The following CTNNA3 variants were observed in gnomAD, a reference collection of about 807,000 sequenced individuals.
CTNNA3 encodes the protein catenin alpha-3.
In CTNNA3, 76 loss-of-function variants were observed where a neutral mutation model predicts 95.7. The observed-to-expected ratio is 0.79, with a 90% CI of 0.66 to 0.96. The LOEUF is 0.96. CTNNA3 is among the 40% of genes least tolerant of loss of function. CTNNA3 has a pLI of 0.00. For missense variants in CTNNA3, 1,191 were observed against 1,089.8 expected (o/e 1.09, Z -1.31); for synonymous variants, 431 against 374.4 (o/e 1.15, Z -1.74).
At chr10:67,556,468 C>G (rs1425399497) in intron 3 of CTNNA3, among the ~76,000 whole-genome samples, 1 of 152,082 alleles carries the variant, frequency 6.6e-6, no homozygotes, top group Non-Finnish European at 1.5e-5. Flanking sequence ...CAACTTCCTC[C>G]TGGTTTAGTC....
chr10:66,447,000 CA>C (rs1280400264), intron 11 of CTNNA3, among the ~76,000 whole-genome samples: 1 of 151,578 alleles, frequency 6.6e-6, no homozygotes, highest in African/African-American at 2.4e-5. Flanking sequence ...AATCAATGTG[CA>C]AAAATCACAA....
intron 6 of CTNNA3, among the ~76,000 whole-genome samples, chr10:67,208,901 T>C (rs1864019789): frequency 6.6e-6 from 1 of 152,134 alleles, no homozygotes; most frequent in Admixed American, 6.5e-5. Context: ...AGAATATCAA[T>C]ATTAATACCA....
chr10:66,847,795 A>T (rs1843334898), intron 7 of CTNNA3, among the ~76,000 whole-genome samples: 1 of 152,218 alleles, frequency 6.6e-6, no homozygotes, highest in African/African-American at 2.4e-5. Flanking sequence ...AATGTAAAAC[A>T]ATTAGAGAAT....
intron 15 of CTNNA3, among the ~76,000 whole-genome samples, chr10:65,990,439 T>A (rs1589222989): frequency 6.6e-6 from 1 of 150,422 alleles, no homozygotes; most frequent in East Asian, 2.0e-4. Flanking sequence ...TGGGGTAAAA[T>A]GATATATTAT....
intron 9 of CTNNA3, among the ~76,000 whole-genome samples, chr10:66,649,329 G>T (rs1845815735): frequency 6.6e-6 from 1 of 152,070 alleles, no homozygotes; most frequent in Non-Finnish European, 1.5e-5. Flanking sequence ...AAATATCCAT[G>T]CACAAACAAA....
intron 6 of CTNNA3, among the ~76,000 whole-genome samples, chr10:67,195,283 A>G (rs573988031): frequency 6.6e-6 from 1 of 152,210 alleles, no homozygotes; most frequent in East Asian, 1.9e-4. Flanking sequence ...TAAGAAAATT[A>G]GAAGAAAATA....
chr10:67,230,425 T>A (rs987827105), intron 5 of CTNNA3, among the ~76,000 whole-genome samples: 3 of 151,728 alleles, frequency 2.0e-5, no homozygotes, highest in African/African-American at 7.3e-5. Context: ...CAAAAGCAAA[T>A]ACAAAGATAA....
chr10:66,337,372 C>T (rs2132342571), intron 12 of CTNNA3, among the ~76,000 whole-genome samples: 1 of 152,122 alleles, frequency 6.6e-6, no homozygotes, highest in East Asian at 1.9e-4. Context: ...GGAAGAATAG[C>T]AACTACTATT....
chr10:67,431,637 C>T (rs1846116126), intron 5 of CTNNA3, among the ~76,000 whole-genome samples: 1 of 151,814 alleles, frequency 6.6e-6, no homozygotes, highest in Non-Finnish European at 1.5e-5. Flanking sequence ...TGAAATAACC[C>T]AAAATGGACT....
chr10:67,602,250 G>GC (rs1843106522), intron 3 of CTNNA3, among the ~76,000 whole-genome samples: 1 of 150,418 alleles, frequency 6.6e-6, no homozygotes, highest in South Asian at 2.1e-4. Flanking sequence ...GTATTTTGTA[G>GC]AGTTTATTGG....
Position 66,200,622 on chromosome 10 carries a change from G to A in CTNNA3, c.1884+79848C>T, listed in dbSNP as rs368052005. On this transcript the variant is annotated intron_variant, in intron 13 of 17. Coordinates refer to ENST00000433211, the MANE Select transcript of CTNNA3 (RefSeq NM_013266.4). ...TCAGAATTGCACTGCGAATGTATCCGATAAAATTTCCTTGATGTAATTTCT... is the reference window on the plus strand; with the variant it reads ...TCAGAATTGCACTGCGAATGTATCCAATAAAATTTCCTTGATGTAATTTCT... 4.5e-4 allele frequency among the ~76,000 whole-genome samples: 69 copies of A among 152,264 alleles called. No homozygotes were observed. The South Asian group carries it at 0.011, about 25-fold the overall frequency.
intron 5 of CTNNA3, among the ~76,000 whole-genome samples, chr10:67,345,828 T>C (rs1416173286): frequency 1.3e-5 from 2 of 152,128 alleles, no homozygotes; most frequent in Non-Finnish European, 2.9e-5. Flanking sequence ...TTACATTCAA[T>C]GTTATTATTG....
chr10:66,241,736 G>A (rs1298245920), intron 13 of CTNNA3, among the ~76,000 whole-genome samples: 3 of 147,050 alleles, frequency 2.0e-5, no homozygotes, highest in South Asian at 2.1e-4. Context: ...CAAATAAAAC[G>A]AAAAGGGGTA....
chr10:67,719,804 T>C (rs1416507074), intron 1 of CTNNA3, among the ~76,000 whole-genome samples: 1 of 152,202 alleles, frequency 6.6e-6, no homozygotes. Flanking sequence ...GTTCTGCAGA[T>C]GTCTATTAGG....
chr10:66,698,553 T>A (rs1183589044), intron 9 of CTNNA3, among the ~76,000 whole-genome samples: 1 of 152,176 alleles, frequency 6.6e-6, no homozygotes, highest in Non-Finnish European at 1.5e-5. Flanking sequence ...AGATTCATAA[T>A]CCTCATCAGT....
chr10:66,851,832 G>A (rs1054078074), intron 7 of CTNNA3, among the ~76,000 whole-genome samples: 11 of 152,180 alleles, frequency 7.2e-5, no homozygotes, highest in African/African-American at 1.7e-4. Context: ...CCCAGTCTCC[G>A]TTATTTTTTA....
intron 10 of CTNNA3, among the ~76,000 whole-genome samples, chr10:66,599,937 T>C (rs1285488237): frequency 6.6e-6 from 1 of 152,010 alleles, no homozygotes; most frequent in Non-Finnish European, 1.5e-5. Flanking sequence ...CTTTGGGAAA[T>C]GTTCACTTCT....
chr10:66,517,467 T>G (rs1840902414), intron 11 of CTNNA3, among the ~76,000 whole-genome samples: 1 of 152,068 alleles, frequency 6.6e-6, no homozygotes, highest in Non-Finnish European at 1.5e-5. Flanking sequence ...AAAACCAAGA[T>G]GGCCACAAGA....
chr10:66,379,743 T>C (rs548764651), intron 11 of CTNNA3, among the ~76,000 whole-genome samples: 48 of 152,266 alleles, frequency 3.2e-4, no homozygotes, highest in African/African-American at 1.1e-3. Context: ...TTATAAAACT[T>C]ATATATACAT....
Sources: allele counts gnomAD v4.1 joint callset (sites outside exome capture counted in the v4.1 genomes callset), GRCh38; gene constraint gnomAD v4.1.1; transcripts MANE v1.5; gene names NCBI Gene and HGNC (gene_info 2026-07-23, HGNC 2026-07-21).